The following RAP1A variants were observed in gnomAD, a reference collection of about 807,000 sequenced individuals.
RAP1A encodes the protein RAP1A, member of RAS oncogene family, also known as ras-related protein Rap-1A.
RAP1A carries 6 observed loss-of-function variants against 26.4 expected under a neutral mutation model. The observed-to-expected ratio is 0.23, with a 90% CI of 0.12 to 0.45. The LOEUF is 0.45. RAP1A is among the 20% of genes least tolerant of loss of function. The pLI, the probability that RAP1A is intolerant of heterozygous loss-of-function variation, is 0.99. For missense variants in RAP1A, 121 were observed against 217.2 expected (o/e 0.56, Z 2.78); for synonymous variants, 73 against 79.4 (o/e 0.92, Z 0.43).
At chr1:111,621,456 C>A (rs1160297982) in intron 1 of RAP1A, among the ~76,000 whole-genome samples, 2 of 152,012 alleles carry the variant, frequency 1.3e-5, no homozygotes, top group Non-Finnish European at 2.9e-5. Context: ...TTCAGTGAAT[C>A]CTGTCTAGTT....
chr1:111,568,023 G>A (rs1657962171), intron 1 of RAP1A, among the ~76,000 whole-genome samples: 1 of 152,134 alleles, frequency 6.6e-6, no homozygotes. Context: ...AGAAACAGTG[G>A]GCCATTGCTG....
chr1:111,572,658 C>T (rs528133052), intron 1 of RAP1A, among the ~76,000 whole-genome samples: 5 of 152,250 alleles, frequency 3.3e-5, no homozygotes, highest in East Asian at 1.9e-4. Context: ...TCTATCTTTT[C>T]GAGGCCCAGG....
At chr1:111,701,514 C>T (rs1291444777) in intron 4 of RAP1A, among the ~76,000 whole-genome samples, 2 of 152,168 alleles carry the variant, frequency 1.3e-5, no homozygotes, top group African/African-American at 4.8e-5. Flanking sequence ...ATGTATACTC[C>T]TCCAGGGCAG....
intron 1 of RAP1A, among the ~76,000 whole-genome samples, chr1:111,569,187 G>C (rs1249763091): frequency 6.6e-6 from 1 of 151,950 alleles, no homozygotes; most frequent in East Asian, 1.9e-4. Context: ...CGGATCACGA[G>C]GTCAAGAGTT....
chr1:111,655,844 TTTTG>T (rs1395770347), intron 1 of RAP1A, among the ~76,000 whole-genome samples: 1 of 151,680 alleles, frequency 6.6e-6, no homozygotes, highest in South Asian at 2.1e-4. Flanking sequence ...TGGCTAATTT[TTTTG>T]TTTGTTTTTT....
intron 1 of RAP1A, among the ~76,000 whole-genome samples, chr1:111,672,902 C>G (rs1661017957): frequency 6.6e-6 from 1 of 152,066 alleles, no homozygotes; most frequent in African/African-American, 2.4e-5. Flanking sequence ...GTGTTTGAAT[C>G]TGATGATTCC....
At chr1:111,547,171 A>G (rs1657062501) in intron 1 of RAP1A, among the ~76,000 whole-genome samples, 2 of 151,952 alleles carry the variant, frequency 1.3e-5, no homozygotes, top group African/African-American at 4.8e-5. Context: ...CTTTTTTTTC[A>G]TGATACTAGG....
upstream of RAP1A, among the ~76,000 whole-genome samples, chr1:111,616,247 G>A (rs1489990427): frequency 1.3e-5 from 2 of 152,180 alleles, no homozygotes; most frequent in African/African-American, 4.8e-5. Context: ...TTGTAAAGGA[G>A]CCCTGGGAGG....
chr1:111,625,465 T>C (rs1659369389), intron 1 of RAP1A, among the ~76,000 whole-genome samples: 1 of 152,232 alleles, frequency 6.6e-6, no homozygotes, highest in Non-Finnish European at 1.5e-5. Context: ...TATTGCTGAC[T>C]ATACATTTCA....
chr1:111,710,997 A>G (rs1662368736), intron 7 of RAP1A, among the ~76,000 whole-genome samples: 1 of 151,992 alleles, frequency 6.6e-6, no homozygotes, highest in Non-Finnish European at 1.5e-5. Context: ...ATGCCTGGCT[A>G]ATTTTTGTAT....
At chr1:111,609,101 A>G (rs1658873192) in intron 1 of RAP1A, among the ~76,000 whole-genome samples, 1 of 152,224 alleles carries the variant, frequency 6.6e-6, no homozygotes, top group Admixed American at 6.5e-5. Flanking sequence ...TATTTAGGCA[A>G]TTACAGCTCA....
intron 1 of RAP1A, among the ~76,000 whole-genome samples, chr1:111,564,365 T>C (rs17028000): frequency 0.044 from 6,639 of 152,170 alleles, 508 homozygotes; most frequent in African/African-American, 0.15. Flanking sequence ...GTTGGGAGTA[T>C]AGGCCTAGCT....
chr1:111,556,428 A>T (rs1363857168), intron 1 of RAP1A, among the ~76,000 whole-genome samples: 1 of 152,188 alleles, frequency 6.6e-6, no homozygotes, highest in African/African-American at 2.4e-5. Flanking sequence ...GAAAGTGGGG[A>T]CTTGAACAGA....
At chr1:111,674,689 T>G (rs1280836984) in intron 1 of RAP1A, among the ~76,000 whole-genome samples, 1 of 152,258 alleles carries the variant, frequency 6.6e-6, no homozygotes, top group East Asian at 1.9e-4. Context: ...TATCAACCAC[T>G]TACTTGCTCA....
chr1:111,622,220 C>G (rs541590210), intron 1 of RAP1A, among the ~76,000 whole-genome samples: 3 of 152,328 alleles, frequency 2.0e-5, no homozygotes, highest in African/African-American at 7.2e-5. Flanking sequence ...TCACAAACTT[C>G]AGAACAAGTC....
chr1:111,575,103 T>C (rs1263367144), intron 1 of RAP1A, among the ~76,000 whole-genome samples: 1 of 152,190 alleles, frequency 6.6e-6, no homozygotes, highest in Non-Finnish European at 1.5e-5. Flanking sequence ...GCTCTATCAT[T>C]ACTACCTGTA....
chr1:111,697,045 T>C lies in RAP1A; in HGVS notation c.127-396T>C, dbSNP rs115116119. On this transcript the variant is annotated intron_variant, in intron 3 of 7. Transcript: ENST00000369709. The stretch of plus-strand genomic sequence containing the variant: ...TTACCCCAAAATGTTGTGCGCATTT[T>C]GAGCCATTTAATATTTTTGTACTTT... 3.0e-3 allele frequency among the ~76,000 whole-genome samples: 456 copies of C among 152,354 alleles called. 1 individual carries two copies. The highest frequency in any genetic ancestry group is 0.01 in the African/African-American group (423 of 41,590).
chr1:111,621,359 G>A (rs1320132035), intron 1 of RAP1A, among the ~76,000 whole-genome samples: 1 of 152,070 alleles, frequency 6.6e-6, no homozygotes, highest in East Asian at 1.9e-4. Flanking sequence ...ATTAAATTAG[G>A]CCCCAGACTT....
intron 1 of RAP1A, among the ~76,000 whole-genome samples, chr1:111,690,926 A>T (rs501396): frequency 6.6e-6 from 1 of 152,242 alleles, no homozygotes; most frequent in African/African-American, 2.4e-5. Context: ...GATATTTTAA[A>T]CAAATAAAAT....
Sources: allele counts gnomAD v4.1 joint callset (sites outside exome capture counted in the v4.1 genomes callset), GRCh38; gene constraint gnomAD v4.1.1; transcripts MANE v1.5; gene names NCBI Gene and HGNC (gene_info 2026-07-23, HGNC 2026-07-21).